Variants in LARP4B observed in about 807,000 individuals in gnomAD.
The protein encoded by LARP4B is la-related protein 4B.
LARP4B carries 12 observed loss-of-function variants against 89.8 expected under a neutral mutation model. The observed-to-expected ratio is 0.13, with a 90% CI of 0.09 to 0.22. The LOEUF (loss-of-function observed/expected upper bound fraction) is 0.22. Ranked by LOEUF, LARP4B falls within the 10% of genes least tolerant of loss-of-function variation. The pLI is 1.00. For synonymous variants in LARP4B, 367 were observed against 363.3 expected, an observed-to-expected ratio of 1.01 and a Z score of -0.12; for missense variants, 757 against 947.7, an observed-to-expected ratio of 0.80 and a Z score of 2.64.
chr10:906,938 C>G (rs897354932), intron 1 of LARP4B, among the ~76,000 whole-genome samples: 5 of 152,216 alleles, frequency 3.3e-5, no homozygotes, highest in Admixed American at 6.5e-5. Flanking sequence ...CCAAACTCCA[C>G]AGATTCTTCC....
Position 815,073 on chromosome 10 carries a change from G to A in LARP4B, c.1696-3C>T, listed in dbSNP as rs1390297796. On this transcript the variant is annotated splice_polypyrimidine_tract_variant and splice_region_variant and intron_variant, in intron 15 of 17. Transcript: ENST00000316157. ...ACGCTTGCGTCTGCACTGAGGGTCT[G>A]AAACAGGGTCAAGAGTGTTCATCAG... 11 of 1,566,068 alleles carry A rather than the reference G, an allele frequency of 7.0e-6. No individual in the cohort carries two copies. In the South Asian group the frequency reaches 1.3e-4, roughly 19 times the overall value.
intron 1 of LARP4B, among the ~76,000 whole-genome samples, chr10:914,833 GAA>G (rs1308777058): frequency 5.1e-5 from 3 of 59,244 alleles, no homozygotes; most frequent in African/African-American, 6.3e-5. Flanking sequence ...CCCCAGCAAA[GAA>G]AAAAAAAAAA....
rs577437701 is a variant in LARP4B at position 910,543 on chromosome 10, T to A, written c.-40+20885A>T. 1.8e-4 allele frequency among the ~76,000 whole-genome samples: 27 copies of A among 152,288 alleles called. No individual in the cohort carries two copies. The South Asian group carries it at 5.4e-3, about 30-fold the overall frequency. On this transcript the variant is annotated intron_variant, in intron 1 of 17. Transcript: ENST00000316157. The stretch of plus-strand genomic sequence containing the variant: ...CCATTCTTTGGCTGAACATCTAGAT[T>A]TTACTTGGACTGTTTTTCAAACTCC...
intron 7 of LARP4B, among the ~76,000 whole-genome samples, chr10:838,587 CA>C (rs1246622147): frequency 6.6e-6 from 1 of 152,108 alleles, no homozygotes; most frequent in Non-Finnish European, 1.5e-5. Flanking sequence ...GTCAGCACAG[CA>C]AAAATCACAA....
At chr10:960,253 G>A in the LARP4B span, among the ~76,000 whole-genome samples, 8 of 152,256 alleles carry the variant, frequency 5.3e-5, no homozygotes, top group East Asian at 5.8e-4. Context: ...AGGGATGAGA[G>A]GGGGAGCACA....
At chr10:842,635 T>C (rs1157850209) in intron 7 of LARP4B, among the ~76,000 whole-genome samples, 1 of 152,248 alleles carries the variant, frequency 6.6e-6, no homozygotes, top group African/African-American at 2.4e-5. Flanking sequence ...TATTTTTATT[T>C]TGTTTTTCAT....
intron 8 of LARP4B, among the ~76,000 whole-genome samples, chr10:834,625 AAG>A (rs773130564): frequency 6.6e-6 from 1 of 152,258 alleles, no homozygotes; most frequent in Non-Finnish European, 1.5e-5. Flanking sequence ...TAATTTATCA[AAG>A]AGTTTCCTTT....
At position 811,837 on chromosome 10, in the gene LARP4B, T is replaced by A. The variant is rs1831751253; in HGVS notation, c.*1089A>T. On this transcript the variant is annotated 3_prime_UTR_variant, in exon 18 of 18. Transcript: ENST00000316157. ...ATATTTAACTTTATTATAAACTTGC[T>A]AACTTTAGTGCATCCTTGTTCTTCA... 6.6e-6 allele frequency: 1 copy of A among 152,570 alleles called. No homozygotes were observed. The allele number at this position is 152,570 out of a possible 1,614,324, so 9.5% of individuals were successfully genotyped here.
At chr10:930,448 C>A (rs1837265372) in intron 1 of LARP4B, among the ~76,000 whole-genome samples, 1 of 152,178 alleles carries the variant, frequency 6.6e-6, no homozygotes, top group African/African-American at 2.4e-5. Flanking sequence ...AAACGAAAGC[C>A]AGATAGGAGG....
chr10:854,718 G>T (rs1037119607), intron 5 of LARP4B, among the ~76,000 whole-genome samples: 5 of 152,060 alleles, frequency 3.3e-5, no homozygotes, highest in Non-Finnish European at 7.4e-5. Flanking sequence ...TCATTCTTAT[G>T]GGCCCTAGGA....
the LARP4B span, among the ~76,000 whole-genome samples, chr10:957,906 C>G: frequency 4.0e-5 from 6 of 151,498 alleles, no homozygotes; most frequent in South Asian, 4.2e-4. Context: ...AAGCCCTCCT[C>G]CCTCCTCAGC....
At chr10:815,117 C>G in intron 15 of LARP4B, 47 bp from the exon 16 acceptor site, 1 of 1,510,530 alleles carries the variant, frequency 6.6e-7, no homozygotes, top group Non-Finnish European at 8.9e-7. Flanking sequence ...CGGCACTAAG[C>G]GGAGCTGGTA....
At chr10:807,215 T>C (rs1057303), downstream of LARP4B, 62,396 of 152,022 alleles carry the variant, frequency 0.41, 13,347 homozygotes, top group South Asian at 0.5. Flanking sequence ...TGTGCATGCG[T>C]GGAGTATGTC....
chr10:821,017 GAAC>G (rs1832325188), intron 13 of LARP4B, 172 bp from the exon 14 acceptor site: 4 of 613,898 alleles, frequency 6.5e-6, no homozygotes, highest in Admixed American at 3.1e-5. Context: ...AGCGTAAGCA[GAAC>G]AACACAAAGT....
At chr10:917,660 G>A (rs773446300) in intron 1 of LARP4B, among the ~76,000 whole-genome samples, 1 of 152,148 alleles carries the variant, frequency 6.6e-6, no homozygotes, top group Admixed American at 6.5e-5. Context: ...AAGATATTTT[G>A]CGACCTCAAG....
At chr10:915,311 G>C (rs1396161085) in intron 1 of LARP4B, among the ~76,000 whole-genome samples, 1 of 152,184 alleles carries the variant, frequency 6.6e-6, no homozygotes, top group Admixed American at 6.5e-5. Flanking sequence ...AAAGGCTCTA[G>C]CACTGACAAT....
rs376441323 is a variant in LARP4B, at chr10:851,985, G to C, written c.431-6930C>G. ...GGAGGCTAAGGCGGGAGAATCGCCT[G>C]AGACCGGGAGGTTGGGACTGAGTGA... On this transcript the variant is annotated intron_variant, in intron 5 of 17. Coordinates refer to ENST00000316157, the MANE Select transcript of LARP4B (RefSeq NM_015155.3). Among the ~76,000 whole-genome samples, 17 of 152,304 alleles carry C rather than the reference G, an allele frequency of 1.1e-4. No homozygotes were observed. The East Asian group carries it at 2.9e-3, about 26-fold the overall frequency.
intron 3 of LARP4B, among the ~76,000 whole-genome samples, chr10:876,035 G>A (rs1334318111): frequency 6.6e-6 from 1 of 152,160 alleles, no homozygotes; most frequent in Non-Finnish European, 1.5e-5. Context: ...AGCCCTGAGT[G>A]TTGAAAGTAA....
At chr10:900,303 C>T (rs548680155) in intron 1 of LARP4B, among the ~76,000 whole-genome samples, 33 of 151,854 alleles carry the variant, frequency 2.2e-4, no homozygotes, top group African/African-American at 7.7e-4. Flanking sequence ...GCCAAGATCG[C>T]ACCATTGCAC....
Sources: allele counts gnomAD v4.1 joint callset (sites outside exome capture counted in the v4.1 genomes callset), GRCh38; gene constraint gnomAD v4.1.1; transcripts MANE v1.5; gene names NCBI Gene and HGNC (gene_info 2026-07-23, HGNC 2026-07-21).